SMYD3: variants seen among roughly 807,000 people sequenced by gnomAD.
SMYD3 encodes the protein histone-lysine N-methyltransferase SMYD3.
SMYD3 carries 36 observed loss-of-function variants against 57.7 expected under a neutral mutation model. The ratio of observed to expected loss-of-function variants is 0.62; its 90% confidence interval spans 0.48 to 0.82. The LOEUF is 0.82. Among genes scored for constraint, SMYD3 ranks in the 40% least tolerant of loss-of-function variants. The probability of loss-of-function intolerance (pLI) is 0.00; values close to 1 mark genes in which losing one functional copy is unlikely to be tolerated. For missense variants in SMYD3, 515 were observed against 538.8 expected (o/e 0.96, Z 0.44); for synonymous variants, 211 against 195.0 (o/e 1.08, Z -0.68).
intron 5 of SMYD3, among the ~76,000 whole-genome samples, chr1:246,078,341 C>A (rs75565404): frequency 1.3e-5 from 2 of 152,030 alleles, no homozygotes; most frequent in Non-Finnish European, 2.9e-5. Flanking sequence ...CTTGTTTAAC[C>A]TGAGAAAGTA....
intron 10 of SMYD3, among the ~76,000 whole-genome samples, chr1:245,822,831 G>A (rs1311247000): frequency 6.6e-6 from 1 of 152,090 alleles, no homozygotes; most frequent in African/African-American, 2.4e-5. Context: ...TGTGTTATAA[G>A]CCTCTTTTAA....
At chr1:246,015,965 A>G (rs1365030475) in intron 5 of SMYD3, among the ~76,000 whole-genome samples, 1 of 152,200 alleles carries the variant, frequency 6.6e-6, no homozygotes, top group African/African-American at 2.4e-5. Flanking sequence ...TAATGTTCTA[A>G]GGAAGTAGAG....
chr1:245,808,856 G>A (rs2048317939), intron 10 of SMYD3, among the ~76,000 whole-genome samples: 1 of 152,030 alleles, frequency 6.6e-6, no homozygotes, highest in South Asian at 2.1e-4. Context: ...ACTACCTCCT[G>A]GGTTCAAGCG....
chr1:246,425,828 G>A lies in SMYD3; in HGVS notation c.165-70734C>T, dbSNP rs545408048. On this transcript the variant is annotated intron_variant, in intron 1 of 11. Coordinates refer to ENST00000490107, the MANE Select transcript of SMYD3 (RefSeq NM_001167740.2). ...CCATCCTTCAGAATGATGCCATTTC[G>A]TCCAAGAACAAGGGATGCCTTTAGT... is the stretch of plus-strand genomic sequence containing the variant. Among the ~76,000 whole-genome samples, 12 of 152,150 alleles carry A rather than the reference G, an allele frequency of 7.9e-5. No homozygotes were observed. The East Asian group carries it at 1.5e-3, about 20-fold the overall frequency.
intron 1 of SMYD3, among the ~76,000 whole-genome samples, chr1:246,428,586 G>A (rs2067252272): frequency 6.6e-6 from 1 of 152,216 alleles, no homozygotes; most frequent in South Asian, 2.1e-4. Flanking sequence ...GGTACAGAGA[G>A]CATCTATTAC....
Position 245,764,052 on chromosome 1 carries a change from T to G in SMYD3, c.1174A>C (p.Asn392His). Residue 392 changes from asparagine (N) to histidine (H), a missense_variant, in exon 11 of 12, where the codon AAT becomes CAT. Transcript: ENST00000490107. ...CTTGGCACACTCACCAGTCTCAGAT[T>G]CTTCATTGCTTGGGGAAACATGCCT... is the stretch of plus-strand genomic sequence containing the variant. Reference protein sequence around the residue: ...HQGMFPQAMKNLRLAFDIMRV... With the variant: ...HQGMFPQAMKHLRLAFDIMRV... The G allele has an allele frequency of 6.2e-7, 1 of 1,613,350 alleles. No homozygotes were observed. The highest frequency in any genetic ancestry group is 1.6e-4 in the Middle Eastern group (1 of 6,062).
At chr1:245,781,249 C>T (rs2046815541) in intron 10 of SMYD3, among the ~76,000 whole-genome samples, 1 of 152,136 alleles carries the variant, frequency 6.6e-6, no homozygotes, top group African/African-American at 2.4e-5. Flanking sequence ...GTAAATTATG[C>T]TTCAATAAAG....
intron 5 of SMYD3, among the ~76,000 whole-genome samples, chr1:246,238,643 G>GT (rs1352163197): frequency 6.6e-6 from 1 of 151,912 alleles, no homozygotes; most frequent in Admixed American, 6.6e-5. Context: ...TTTCATTTTC[G>GT]TTTTTTTGCT....
At chr1:246,016,316 C>G (rs999018294) in intron 5 of SMYD3, among the ~76,000 whole-genome samples, 1 of 151,832 alleles carries the variant, frequency 6.6e-6, no homozygotes, top group Non-Finnish European at 1.5e-5. Flanking sequence ...GGCGCGGTGG[C>G]TCATGCCTGT....
At chr1:245,831,529 T>A (rs1254937043) in intron 10 of SMYD3, among the ~76,000 whole-genome samples, 1 of 152,214 alleles carries the variant, frequency 6.6e-6, no homozygotes, top group African/African-American at 2.4e-5. Context: ...GAAGTTTCCA[T>A]CAGTGAGAAA....
At chr1:246,364,719 G>A (rs1455664349) in intron 1 of SMYD3, among the ~76,000 whole-genome samples, 2 of 152,122 alleles carry the variant, frequency 1.3e-5, no homozygotes, top group African/African-American at 4.8e-5. Context: ...TCTAAATAAA[G>A]CAACATCAAA....
chr1:246,183,846 G>T (rs1368888759), intron 5 of SMYD3, among the ~76,000 whole-genome samples: 4 of 152,180 alleles, frequency 2.6e-5, no homozygotes, highest in African/African-American at 9.7e-5. Flanking sequence ...CTATAAAAAT[G>T]ACACGGAGGG....
At chr1:246,270,879 T>C (rs1024050216) in intron 5 of SMYD3, among the ~76,000 whole-genome samples, 5 of 152,196 alleles carry the variant, frequency 3.3e-5, no homozygotes, top group Admixed American at 6.5e-5. Context: ...TTTTAAATTT[T>C]TGAGTTGCCG....
chr1:245,761,834 G>A (rs1172336212), intron 11 of SMYD3, among the ~76,000 whole-genome samples: 1 of 137,078 alleles, frequency 7.3e-6, no homozygotes, highest in South Asian at 2.3e-4. Context: ...CGCCCAGGCT[G>A]GAGTGCAATG....
At chr1:246,497,458 T>A (rs772711089) in intron 1 of SMYD3, among the ~76,000 whole-genome samples, 3 of 152,188 alleles carry the variant, frequency 2.0e-5, no homozygotes, top group Non-Finnish European at 4.4e-5. Flanking sequence ...AAGTTGCCTT[T>A]CTGAAAAATA....
intron 10 of SMYD3, among the ~76,000 whole-genome samples, chr1:245,847,371 C>T (rs747212941): frequency 1.1e-4 from 16 of 152,310 alleles, no homozygotes; most frequent in South Asian, 2.1e-4. Flanking sequence ...ATCTATCCTT[C>T]GGGAGTTTCT....
intron 1 of SMYD3, among the ~76,000 whole-genome samples, chr1:246,410,964 G>GTTA (rs2066957593): frequency 6.6e-6 from 1 of 152,164 alleles, no homozygotes; most frequent in South Asian, 2.1e-4. Flanking sequence ...GCGTAGAGGT[G>GTTA]TTTATAGTAT....
At chr1:246,038,247 A>G (rs1418207349) in intron 5 of SMYD3, among the ~76,000 whole-genome samples, 1 of 152,178 alleles carries the variant, frequency 6.6e-6, no homozygotes, top group Admixed American at 6.5e-5. Context: ...TCCGTAATTT[A>G]TGGCTTCTAG....
chr1:245,814,477 A>G, intron 10 of SMYD3: 4 of 811,068 alleles, frequency 4.9e-6, no homozygotes, highest in Non-Finnish European at 6.0e-6. Context: ...AATAAAATAA[A>G]AAGAATGCTA....
Sources: allele counts gnomAD v4.1 joint callset (sites outside exome capture counted in the v4.1 genomes callset), GRCh38; gene constraint gnomAD v4.1.1; transcripts MANE v1.5; gene names NCBI Gene and HGNC (gene_info 2026-07-23, HGNC 2026-07-21).